The following TF variants were observed in gnomAD, a reference collection of about 807,000 sequenced individuals.
TF encodes the protein serotransferrin.
A neutral mutation model predicts 82.4 loss-of-function variants in TF; 55 were observed. The observed-to-expected ratio is 0.67, with a 90% confidence interval of 0.54 to 0.84. The LOEUF is 0.84. Among genes scored for constraint, TF ranks in the 40% least tolerant of loss-of-function variants. The pLI is 0.00. For missense variants in TF, 737 were observed against 868.4 expected, an observed-to-expected ratio of 0.85 and a Z score of 1.90; for synonymous variants, 332 against 332.6, an observed-to-expected ratio of 1.00 and a Z score of 0.02.
chr3:133,671,835 G>A, the TF span, among the ~76,000 whole-genome samples: 149,912 of 150,764 alleles, frequency 0.99, 74,538 homozygotes, highest in East Asian at 1. Flanking sequence ...AGGAGAAGAA[G>A]GAAAGAAAGA....
At chr3:133,727,112 T>A in the TF span, among the ~76,000 whole-genome samples, 29,642 of 152,130 alleles carry the variant, frequency 0.19, 3,004 homozygotes, top group East Asian at 0.29. Flanking sequence ...GGTGTGGTGC[T>A]GAAAAAAATG....
the TF span, among the ~76,000 whole-genome samples, chr3:133,735,722 T>A: frequency 6.6e-6 from 1 of 152,102 alleles, no homozygotes; most frequent in East Asian, 1.9e-4. Flanking sequence ...GAAGATCAAC[T>A]TAATGAAATA....
At chr3:133,700,965 C>T in the TF span, 2 of 152,546 alleles carry the variant, frequency 1.3e-5, no homozygotes, top group Non-Finnish European at 2.9e-5. Context: ...CTGATGCTGC[C>T]CATGGGTTTT....
chr3:133,716,276 C>A, the TF span, among the ~76,000 whole-genome samples: 1 of 152,206 alleles, frequency 6.6e-6, no homozygotes, highest in Admixed American at 6.5e-5. Context: ...ATCCAGCTGC[C>A]TACTGGCTAT....
At chr3:133,680,010 G>C in the TF span, among the ~76,000 whole-genome samples, 2 of 152,120 alleles carry the variant, frequency 1.3e-5, no homozygotes, top group East Asian at 3.8e-4. Context: ...TAGGTATGTA[G>C]TGAAATCAAT....
At chr3:133,680,239 T>A in the TF span, among the ~76,000 whole-genome samples, 1 of 152,148 alleles carries the variant, frequency 6.6e-6, no homozygotes, top group Non-Finnish European at 1.5e-5. Context: ...AGGTTCTCCC[T>A]CTGTTGCCCA....
the TF span, among the ~76,000 whole-genome samples, chr3:133,732,208 C>G: frequency 1.3e-5 from 2 of 152,204 alleles, no homozygotes; most frequent in Non-Finnish European, 2.9e-5. Flanking sequence ...CACAATAACT[C>G]TATGAAGCAG....
the TF span, among the ~76,000 whole-genome samples, chr3:133,690,123 C>T: frequency 6.6e-6 from 1 of 151,274 alleles, no homozygotes; most frequent in Non-Finnish European, 1.5e-5. Flanking sequence ...AGATAAATTA[C>T]AAAAGTAGAC....
the TF span, among the ~76,000 whole-genome samples, chr3:133,717,925 G>A: frequency 6.6e-6 from 1 of 152,140 alleles, no homozygotes; most frequent in Admixed American, 6.5e-5. Flanking sequence ...ATTGCCATTT[G>A]GTCACAAATG....
chr3:133,780,161 T>G lies in TF; in HGVS notation c.*1541T>G, dbSNP rs775002367. ...ATAGGACTCTGGGTCCACTTTGCAG[T>G]CCAGACCTGATATGGACCGTTTTAC... On this transcript the variant is annotated 3_prime_UTR_variant, in exon 17 of 17. Coordinates refer to ENST00000402696, the MANE Select transcript of TF (RefSeq NM_001063.4). The G allele has an allele frequency of 1.3e-5, 2 of 152,160 alleles. No individual in the cohort carries two copies. Among genetic ancestry groups the G allele is most frequent in the Non-Finnish European group, 2.9e-5 (2 of 68,038 alleles). 9.4% of individuals were successfully genotyped at this position (152,160 alleles called of 1,614,324 possible).
rs1455396694 is a variant in TF at position 133,783,027 on chromosome 3, A to C, written c.*4407A>C. On this transcript the variant is annotated 3_prime_UTR_variant, in exon 17 of 17. Transcript: ENST00000402696. ...CAGGAGACCCCGTCTCAAACAAAAC[A>C]AAACCAAGTAGCAGATATGCATGAT... 6.6e-6 allele frequency: 1 copy of C among 152,192 alleles called. No individual in the cohort carries two copies. Among genetic ancestry groups the C allele is most frequent in the Non-Finnish European group, 1.5e-5 (1 of 68,066 alleles). 9.4% of individuals were successfully genotyped at this position (152,192 alleles called of 1,614,324 possible).
Position 133,793,133 on chromosome 3 carries a change from A to G in TF, c.*14513A>G, listed in dbSNP as rs1934881861. The G allele has an allele frequency of 6.6e-6, 1 of 152,132 alleles. No homozygotes were observed. The allele number at this position is 152,132 out of a possible 1,614,324, so 9.4% of individuals were successfully genotyped here. Reference sequence around the variant, plus strand: ...ATGCAGTATTAAAAGATAATGAAAGATCTTTGTTTGCCTTTTGAATAAACT... The same window carrying G: ...ATGCAGTATTAAAAGATAATGAAAGGTCTTTGTTTGCCTTTTGAATAAACT... On this transcript the variant is annotated 3_prime_UTR_variant, in exon 17 of 17. Transcript: ENST00000402696.
At chr3:133,717,975 G>T in the TF span, among the ~76,000 whole-genome samples, 1 of 152,216 alleles carries the variant, frequency 6.6e-6, no homozygotes, top group Admixed American at 6.5e-5. Flanking sequence ...GAACTTGAGA[G>T]ACCCAATAAA....
chr3:133,780,046 C>T lies in TF; in HGVS notation c.*1426C>T. 1 of 152,178 alleles carries T rather than the reference C, an allele frequency of 6.6e-6. No homozygotes were observed. The allele number at this position is 152,178 out of a possible 1,614,324, so 9.4% of individuals were successfully genotyped here. On this transcript the variant is annotated 3_prime_UTR_variant, in exon 17 of 17. Coordinates refer to ENST00000402696, the MANE Select transcript of TF (RefSeq NM_001063.4). ...TTTCTTTTCCTGACTCCTAACACAG[C>T]CTCATCTTATACTCAAATACAGAAG...
intron 10 of TF, 150 bp from the exon 11 acceptor site, chr3:133,764,725 C>A: frequency 1.3e-6 from 1 of 754,104 alleles, no homozygotes; most frequent in Non-Finnish European, 2.2e-6. Context: ...TTGCATGATC[C>A]AGAGAGTCTG....
At chr3:133,711,521 C>T in the TF span, among the ~76,000 whole-genome samples, 1 of 152,094 alleles carries the variant, frequency 6.6e-6, no homozygotes, top group African/African-American at 2.4e-5. Context: ...CCTCTTGTGC[C>T]CACTGGAAGC....
At chr3:133,668,819 C>G in the TF span, among the ~76,000 whole-genome samples, 16 of 152,262 alleles carry the variant, frequency 1.1e-4, no homozygotes, top group East Asian at 2.5e-3. Context: ...AAAAAAACCC[C>G]TTAAATGATG....
At chr3:133,663,310 G>A in the TF span, among the ~76,000 whole-genome samples, 21 of 150,726 alleles carry the variant, frequency 1.4e-4, no homozygotes, top group African/African-American at 4.1e-4. Context: ...CTGATGGTCC[G>A]GAATAAAATC....
intron 2 of TF, chr3:133,748,804 G>T: frequency 1.7e-6 from 1 of 583,548 alleles, no homozygotes; most frequent in South Asian, 1.9e-5. Flanking sequence ...TCCAGACACA[G>T]TAGACGCAAG....
Sources: gnomAD v4.1 joint callset for allele counts (sites outside exome capture counted in the v4.1 genomes callset) on GRCh38, gnomAD v4.1.1 for gene constraint, MANE v1.5 for transcripts, NCBI Gene and HGNC (gene_info 2026-07-23, HGNC 2026-07-21) for gene names.